Variants in ATP11B observed in about 807,000 individuals in gnomAD.
ATP11B encodes ATPase phospholipid transporting 11B (putative).
Under a neutral mutation model 157.8 loss-of-function variants are expected in ATP11B, and 81 were observed. That is an observed-to-expected ratio of 0.51 (90% CI 0.43 to 0.62). The LOEUF (loss-of-function observed/expected upper bound fraction) is 0.62, where lower values mean the gene tolerates loss of function less well. Among genes scored for constraint, ATP11B ranks in the 20% least tolerant of loss-of-function variants. The pLI is 0.00. For synonymous variants in ATP11B, 451 were observed against 469.4 expected (o/e 0.96, Z 0.51); for missense variants, 1,165 against 1,402.2 (o/e 0.83, Z 2.70).
intron 19 of ATP11B, among the ~76,000 whole-genome samples, chr3:182,876,907 A>G (rs190096095): frequency 6.6e-6 from 1 of 152,320 alleles, no homozygotes; most frequent in East Asian, 1.9e-4. Flanking sequence ...CTTTTGATGG[A>G]ATATATTTTA....
In ATP11B at chr3:182,828,107, T is replaced by C; in HGVS notation, c.145-13T>C. 4.1e-6 allele frequency: 5 copies of C among 1,209,668 alleles called. No homozygotes were observed. Among genetic ancestry groups the C allele is most frequent in the Non-Finnish European group, 5.7e-6 (5 of 873,074 alleles). The allele number at this position is 1,209,668 out of a possible 1,614,324, so 74.9% of individuals were successfully genotyped here. A position where few individuals can be genotyped will look rare whatever the true frequency, so the allele number is the denominator to read the frequency against. On this transcript the variant is annotated splice_polypyrimidine_tract_variant and intron_variant, in intron 2 of 29. Coordinates refer to ENST00000323116, the MANE Select transcript of ATP11B (RefSeq NM_014616.3). ...ATTTTTAAATATTAATTTATTGATC[T>C]CTTTCTTTTTAGTACACTGTGTGGA...
chr3:182,888,699 T>C (rs942868263), intron 24 of ATP11B, among the ~76,000 whole-genome samples: 1 of 151,116 alleles, frequency 6.6e-6, no homozygotes, highest in Non-Finnish European at 1.5e-5. Flanking sequence ...TTTTTAAACT[T>C]TTTATTTATT....
intron 13 of ATP11B, 29 bp from the exon 14 acceptor site, chr3:182,866,239 T>TA (rs773975425): frequency 6.8e-7 from 1 of 1,462,290 alleles, no homozygotes; most frequent in Non-Finnish European, 9.2e-7. Context: ...ATGATATTTT[T>TA]ATCATGAATA....
chr3:182,828,173 G>T lies in ATP11B; in HGVS notation c.198G>T (p.Val66=). The T allele has an allele frequency of 6.6e-7, 1 of 1,509,346 alleles. No homozygotes were observed. The highest frequency in any genetic ancestry group is 1.4e-5 in the African/African-American group (1 of 71,492). 93.5% of individuals were successfully genotyped at this position (1,509,346 alleles called of 1,614,324 possible). A position where few individuals can be genotyped will look rare whatever the true frequency, so the allele number is the denominator to read the frequency against. The part of the protein sequence containing the change: ...PKNLFEQFRR[V]ANFYFLIIFL... ...ATTTATTTGAACAGTTCAGAAGAGT[G>T]GCAAACTTTTATTTTCTTATTATAT... The change falls in exon 3 of 30, where the codon GTG becomes GTT. Residue 66 remains valine, a synonymous_variant. Coordinates refer to ENST00000323116, the MANE Select transcript of ATP11B (RefSeq NM_014616.3).
intron 28 of ATP11B, among the ~76,000 whole-genome samples, chr3:182,908,840 A>G (rs1045871497): frequency 8.6e-5 from 13 of 152,000 alleles, no homozygotes; most frequent in Non-Finnish European, 1.5e-4. Flanking sequence ...CATTAAAAAG[A>G]AAAACATTTC....
chr3:182,887,782 G>A, intron 24 of ATP11B, 69 bp downstream of exon 24: 2 of 1,490,202 alleles, frequency 1.3e-6, no homozygotes, highest in Admixed American at 2.1e-5. Flanking sequence ...ATTTATTTAT[G>A]TCTTGGTGAT....
chr3:182,859,517 G>A (rs923813211), intron 12 of ATP11B, among the ~76,000 whole-genome samples, 158 bp downstream of exon 12: 1 of 151,942 alleles, frequency 6.6e-6, no homozygotes, highest in Non-Finnish European at 1.5e-5. Context: ...ACCCTAAGTT[G>A]TTTCTTTTGT....
At chr3:182,870,747 G>A (rs1161315953) in intron 17 of ATP11B, among the ~76,000 whole-genome samples, 3 of 150,542 alleles carry the variant, frequency 2.0e-5, no homozygotes, top group African/African-American at 4.9e-5. Context: ...GCCGAGGCTA[G>A]CAGATCACGA....
intron 12 of ATP11B, among the ~76,000 whole-genome samples, chr3:182,863,668 G>A (rs529336466): frequency 6.6e-6 from 1 of 151,792 alleles, no homozygotes; most frequent in East Asian, 1.9e-4. Context: ...GTGATGACCT[G>A]TTTATCATGA....
chr3:182,885,782 A>G (rs1412103427), intron 22 of ATP11B, among the ~76,000 whole-genome samples, 169 bp from the exon 23 acceptor site: 4 of 152,076 alleles, frequency 2.6e-5, no homozygotes, highest in Non-Finnish European at 5.9e-5. Flanking sequence ...ACATTTTTTG[A>G]TAAAATGGGA....
intron 1 of ATP11B, among the ~76,000 whole-genome samples, chr3:182,807,501 G>C (rs1467412406): frequency 6.6e-6 from 1 of 152,124 alleles, no homozygotes; most frequent in African/African-American, 2.4e-5. Flanking sequence ...TTTAAACAGC[G>C]TGGCAAATTA....
At chr3:182,896,837 C>G in intron 26 of ATP11B, 72 bp downstream of exon 26, 1 of 1,115,032 alleles carries the variant, frequency 9.0e-7, no homozygotes, top group Non-Finnish European at 1.3e-6. Context: ...TTCTTCATTT[C>G]TTTAGCCATA....
At chr3:182,906,958 T>G (rs1200208140) in intron 28 of ATP11B, among the ~76,000 whole-genome samples, 3 of 151,796 alleles carry the variant, frequency 2.0e-5, no homozygotes, top group Non-Finnish European at 2.9e-5. Context: ...CTAGGTGTGG[T>G]GGCGGATGCC....
intron 2 of ATP11B, among the ~76,000 whole-genome samples, chr3:182,823,530 G>A (rs878950534): frequency 7.9e-4 from 120 of 152,188 alleles, no homozygotes; most frequent in Non-Finnish European, 1.5e-3. Flanking sequence ...TTGTAGTATA[G>A]TTTGAAGTCA....
chr3:182,879,700 A>G (rs1367412007), intron 20 of ATP11B, 51 bp downstream of exon 20: 1 of 1,493,120 alleles, frequency 6.7e-7, no homozygotes, highest in East Asian at 2.4e-5. Context: ...AGATATAAAC[A>G]TATTATTTAA....
chr3:182,812,053 G>A (rs1428502417), intron 1 of ATP11B, among the ~76,000 whole-genome samples: 1 of 151,608 alleles, frequency 6.6e-6, no homozygotes, highest in Non-Finnish European at 1.5e-5. Context: ...ATTAATTCTT[G>A]TCTAAATAAC....
chr3:182,898,688 C>T lies in ATP11B; in HGVS notation c.3234C>T (p.Leu1078=), dbSNP rs1723737215. The T allele has an allele frequency of 1.2e-6, 2 of 1,607,518 alleles. No homozygotes were observed. The highest frequency in any genetic ancestry group is 1.7e-6 in the Non-Finnish European group (2 of 1,176,950). The change falls in exon 28 of 30, where the codon CTC becomes CTT. Residue 1078 remains leucine (L), a synonymous_variant. Coordinates refer to ENST00000323116, the MANE Select transcript of ATP11B (RefSeq NM_014616.3). The part of the protein sequence containing the change: ...SSGSAWFAII[L]MVVTCLFLDI... The stretch of plus-strand genomic sequence containing the variant: ...GTTCTGCTTGGTTTGCCATAATCCT[C>T]ATGGTTGTTACATGTCTATTTCTTG...
At chr3:182,914,823 G>T in intron 29 of ATP11B, 2 of 985,256 alleles carry the variant, frequency 2.0e-6, no homozygotes, top group Non-Finnish European at 2.4e-6. Flanking sequence ...GGATGTTAGG[G>T]GGTAGAAAGA....
intron 1 of ATP11B, among the ~76,000 whole-genome samples, chr3:182,797,603 G>A (rs1715704536): frequency 6.6e-6 from 1 of 152,104 alleles, no homozygotes; most frequent in Admixed American, 6.5e-5. Context: ...AGCTACTCAG[G>A]AGGCTGAAGC....
Sources: allele counts gnomAD v4.1 joint callset (sites outside exome capture counted in the v4.1 genomes callset), GRCh38; gene constraint gnomAD v4.1.1; transcripts MANE v1.5; gene names NCBI Gene and HGNC (gene_info 2026-07-23, HGNC 2026-07-21).